The following TMTC2 variants were observed in gnomAD, a reference collection of about 807,000 sequenced individuals.
TMTC2 encodes transmembrane O-mannosyltransferase targeting cadherins 2, also known as protein O-mannosyl-transferase TMTC2.
Under a neutral mutation model 82.4 loss-of-function variants are expected in TMTC2, and 43 were observed. The ratio of observed to expected loss-of-function variants is 0.52; its 90% CI spans 0.41 to 0.67. The LOEUF is 0.67. Ranked by LOEUF, TMTC2 falls within the 30% of genes least tolerant of loss-of-function variation. The pLI, the probability that TMTC2 is intolerant of heterozygous loss-of-function variation, is 0.00. For missense variants in TMTC2, 919 were observed against 1,012.4 expected, an observed-to-expected ratio of 0.91 and a Z score of 1.25; for synonymous variants, 408 against 381.9, an observed-to-expected ratio of 1.07 and a Z score of -0.80.
At chr12:82,839,329 A>G (rs1411491088) in intron 1 of TMTC2, among the ~76,000 whole-genome samples, 1 of 152,202 alleles carries the variant, frequency 6.6e-6, no homozygotes, top group Non-Finnish European at 1.5e-5. Context: ...GAATCTATCT[A>G]TTCTGAGTAG....
At chr12:83,034,462 C>G (rs771572440) in intron 9 of TMTC2, among the ~76,000 whole-genome samples, 1 of 152,050 alleles carries the variant, frequency 6.6e-6, no homozygotes, top group South Asian at 2.1e-4. Flanking sequence ...CCCATAGGGA[C>G]TTGGAGACTG....
intron 1 of TMTC2, among the ~76,000 whole-genome samples, chr12:82,841,428 T>C (rs1418438263): frequency 6.6e-6 from 1 of 152,200 alleles, no homozygotes; most frequent in Non-Finnish European, 1.5e-5. Flanking sequence ...AAATTAGAGT[T>C]GCTGGTGGTT....
At chr12:82,892,727 C>T (rs1873458794) in intron 2 of TMTC2, among the ~76,000 whole-genome samples, 1 of 152,184 alleles carries the variant, frequency 6.6e-6, no homozygotes, top group African/African-American at 2.4e-5. Flanking sequence ...ACTTCCACCA[C>T]AAGATATTGT....
rs1479262596 is a variant in TMTC2, at chr12:82,687,134, T to G, written c.-453T>G. On this transcript the variant is annotated 5_prime_UTR_variant, in exon 1 of 12. Coordinates refer to ENST00000321196, the MANE Select transcript of TMTC2 (RefSeq NM_152588.3). ...TGTCCCTCCCACCCGCGCCTCTTTC[T>G]CTCTCTTCCTCCAGCTGGTCCCAGA... is the stretch of plus-strand genomic sequence containing the variant. The G allele has an allele frequency of 6.0e-6, 1 of 166,104 alleles. No individual in the cohort carries two copies. The highest frequency in any genetic ancestry group is 1.3e-5 in the Non-Finnish European group (1 of 76,250). The allele number at this position is 166,104 out of a possible 1,614,324, so 10.3% of individuals were successfully genotyped here.
intron 2 of TMTC2, among the ~76,000 whole-genome samples, chr12:82,873,407 A>T (rs920824391): frequency 6.6e-6 from 1 of 152,070 alleles, no homozygotes; most frequent in African/African-American, 2.4e-5. Context: ...TTGGCACTGA[A>T]GTTTGAGTAA....
intron 4 of TMTC2, among the ~76,000 whole-genome samples, chr12:82,963,268 T>G (rs1039913127): frequency 5.3e-5 from 8 of 151,920 alleles, no homozygotes; most frequent in Non-Finnish European, 1.2e-4. Flanking sequence ...GTCTAAGAGG[T>G]ACACGAACAT....
intron 7 of TMTC2, among the ~76,000 whole-genome samples, chr12:82,982,525 C>T (rs1878968018): frequency 6.7e-6 from 1 of 149,802 alleles, no homozygotes; most frequent in East Asian, 2.0e-4. Context: ...AGCCTTAGAA[C>T]TAAAGTACAT....
At chr12:82,750,743 A>G (rs1875952135) in intron 1 of TMTC2, among the ~76,000 whole-genome samples, 1 of 152,130 alleles carries the variant, frequency 6.6e-6, no homozygotes, top group African/African-American at 2.4e-5. Context: ...TCCTCCCCAA[A>G]GTCTTCTGAA....
chr12:83,011,545 G>C (rs1880459417), intron 8 of TMTC2, among the ~76,000 whole-genome samples: 1 of 152,064 alleles, frequency 6.6e-6, no homozygotes, highest in East Asian at 1.9e-4. Flanking sequence ...CTAATTATTT[G>C]ACCATAACTG....
chr12:83,094,486 C>T (rs186461487), intron 11 of TMTC2, among the ~76,000 whole-genome samples: 30 of 152,290 alleles, frequency 2.0e-4, no homozygotes, highest in Non-Finnish European at 4.4e-5. Context: ...ACCTGCCACA[C>T]TAAGGGGATC....
At chr12:83,041,960 G>A (rs1881911833) in intron 9 of TMTC2, among the ~76,000 whole-genome samples, 1 of 152,180 alleles carries the variant, frequency 6.6e-6, no homozygotes. Flanking sequence ...GGCAGGGAGA[G>A]AAACAGTTTC....
intron 1 of TMTC2, among the ~76,000 whole-genome samples, chr12:82,736,514 A>T (rs187909775): frequency 3.9e-5 from 6 of 152,264 alleles, no homozygotes; most frequent in Admixed American, 3.3e-4. Flanking sequence ...GCATTCTATT[A>T]TGCATGCTTT....
At chr12:82,954,271 C>CT (rs202076137) in intron 4 of TMTC2, among the ~76,000 whole-genome samples, 1 of 151,916 alleles carries the variant, frequency 6.6e-6, no homozygotes, top group East Asian at 1.9e-4. Flanking sequence ...TGACTTGGTC[C>CT]TTTTTTTTCT....
At chr12:83,015,871 A>G (rs1364732754) in intron 8 of TMTC2, among the ~76,000 whole-genome samples, 2 of 152,166 alleles carry the variant, frequency 1.3e-5, no homozygotes, top group South Asian at 2.1e-4. Flanking sequence ...TCTGCTGGTC[A>G]TGTGCCAGGT....
chr12:83,083,030 C>G (rs1883526879), intron 11 of TMTC2, among the ~76,000 whole-genome samples: 1 of 152,156 alleles, frequency 6.6e-6, no homozygotes, highest in South Asian at 2.1e-4. Flanking sequence ...CATAACATTC[C>G]TAGATTTCAT....
chr12:83,069,586 G>C (rs1392675380), intron 11 of TMTC2, among the ~76,000 whole-genome samples: 1 of 152,074 alleles, frequency 6.6e-6, no homozygotes, highest in Non-Finnish European at 1.5e-5. Context: ...GTAGATTCTG[G>C]ATATTAGTCC....
At chr12:82,695,001 C>T (rs1208586414) in intron 1 of TMTC2, among the ~76,000 whole-genome samples, 1 of 152,190 alleles carries the variant, frequency 6.6e-6, no homozygotes, top group Non-Finnish European at 1.5e-5. Context: ...CCTAGGAATT[C>T]TCACTTGACA....
chr12:83,044,827 T>C (rs1257278178), intron 9 of TMTC2, among the ~76,000 whole-genome samples: 3 of 152,234 alleles, frequency 2.0e-5, no homozygotes, highest in African/African-American at 7.2e-5. Context: ...TTTAGTTGCA[T>C]TGATCCTGAG....
intron 2 of TMTC2, among the ~76,000 whole-genome samples, chr12:82,876,122 T>TGATGGGG (rs1872544085): frequency 7.0e-6 from 1 of 143,456 alleles, no homozygotes; most frequent in Non-Finnish European, 1.5e-5. Context: ...GTGGTGGTGG[T>TGATGGGG]ATTAGTAATG....
Sources: allele counts gnomAD v4.1 joint callset (sites outside exome capture counted in the v4.1 genomes callset), GRCh38; gene constraint gnomAD v4.1.1; transcripts MANE v1.5; gene names NCBI Gene and HGNC (gene_info 2026-07-23, HGNC 2026-07-21).